SYNRG: variants seen among roughly 807,000 people sequenced by gnomAD.
SYNRG encodes the protein AP1 gamma subunit binding protein 1.
A neutral mutation model predicts 130.9 loss-of-function variants in SYNRG; 37 were observed. The ratio of observed to expected loss-of-function variants is 0.28; its 90% CI spans 0.22 to 0.37. The LOEUF is 0.37. SYNRG is among the 10% of genes least tolerant of loss of function. The pLI, the probability that SYNRG is intolerant of heterozygous loss-of-function variation, is 1.00. For missense variants in SYNRG, 1,338 were observed against 1,588.9 expected, an observed-to-expected ratio of 0.84 and a Z score of 2.68; for synonymous variants, 539 against 568.1, an observed-to-expected ratio of 0.95 and a Z score of 0.73.
chr17:37,522,070 A>G (rs1289630602), intron 19 of SYNRG, among the ~76,000 whole-genome samples: 1 of 151,720 alleles, frequency 6.6e-6, no homozygotes, highest in African/African-American at 2.4e-5. Flanking sequence ...AAATAGAACA[A>G]CAGCTAATAC....
intron 19 of SYNRG, among the ~76,000 whole-genome samples, chr17:37,526,276 T>C (rs1489587422): frequency 6.6e-6 from 1 of 152,192 alleles, no homozygotes; most frequent in Non-Finnish European, 1.5e-5. Flanking sequence ...GGTAAGGACA[T>C]GGCACAGAGC....
chr17:37,521,514 G>A (rs1329139489), intron 19 of SYNRG, among the ~76,000 whole-genome samples: 5 of 152,116 alleles, frequency 3.3e-5, no homozygotes, highest in Non-Finnish European at 7.4e-5. Flanking sequence ...CAGGGCCCAG[G>A]GAAAGAGGAG....
intron 19 of SYNRG, among the ~76,000 whole-genome samples, chr17:37,523,275 C>T (rs1282458452): frequency 6.6e-6 from 1 of 152,100 alleles, no homozygotes; most frequent in Non-Finnish European, 1.5e-5. Context: ...AATCCTTTTG[C>T]CTCAGCCTCC....
Position 37,585,447 on chromosome 17 carries a change from C to T in SYNRG, c.372-17G>A, listed in dbSNP as rs776859287. 1 of 1,578,214 alleles carries T rather than the reference C, an allele frequency of 6.3e-7. No individual in the cohort carries two copies. The highest frequency in any genetic ancestry group is 1.7e-4 in the Middle Eastern group (1 of 5,992). ...AATCGTTTCCTGAAGGAAAAATGAT[C>T]TAATAAAGAACCAGCTCCCGGGATT... On this transcript the variant is annotated splice_polypyrimidine_tract_variant and intron_variant, in intron 4 of 21. Coordinates refer to ENST00000612223, the MANE Select transcript of SYNRG (RefSeq NM_007247.6).
At chr17:37,538,458 GAA>G (rs2057411635) in intron 17 of SYNRG, 38 bp from the exon 18 acceptor site, 2 of 1,440,792 alleles carry the variant, frequency 1.4e-6, no homozygotes, top group South Asian at 1.3e-5. Flanking sequence ...ACATAACTGA[GAA>G]AAGTCATTGC....
chr17:37,536,136 A>G lies in SYNRG; in HGVS notation c.3518-9T>C. 1 of 1,603,796 alleles carries G rather than the reference A, an allele frequency of 6.2e-7. No homozygotes were observed. On this transcript the variant is annotated splice_polypyrimidine_tract_variant and intron_variant, in intron 18 of 21. Transcript: ENST00000612223. The stretch of plus-strand genomic sequence containing the variant: ...GTACACTTCAACAACACCTGACGGG[A>G]TGAGAGAGCAGAGAGAGAGTGTTGG...
intron 1 of SYNRG, among the ~76,000 whole-genome samples, chr17:37,606,425 A>G (rs549676662): frequency 1.3e-5 from 2 of 152,374 alleles, no homozygotes; most frequent in African/African-American, 2.4e-5. Context: ...AAGATCAGGA[A>G]AAAATAGACA....
intron 6 of SYNRG, among the ~76,000 whole-genome samples, chr17:37,583,780 C>T (rs1332187967): frequency 6.6e-6 from 1 of 152,094 alleles, no homozygotes; most frequent in Non-Finnish European, 1.5e-5. Context: ...CTGTAACCTC[C>T]GCCTCCCAGG....
chr17:37,599,463 G>A (rs924789917), intron 2 of SYNRG, among the ~76,000 whole-genome samples: 6 of 152,228 alleles, frequency 3.9e-5, no homozygotes, highest in Non-Finnish European at 8.8e-5. Context: ...GCTCATGCCT[G>A]TAATCCCAGT....
chr17:37,570,430 T>TTAA (rs2060336411), intron 10 of SYNRG, among the ~76,000 whole-genome samples: 1 of 152,180 alleles, frequency 6.6e-6, no homozygotes, highest in Non-Finnish European at 1.5e-5. Context: ...CATTAAATAT[T>TTAA]ATATATTTAA....
rs951837571 is a variant in SYNRG at position 37,593,873 on chromosome 17, C to T, written c.240+2350G>A. Among the ~76,000 whole-genome samples, 7 of 143,534 alleles carry T rather than the reference C, an allele frequency of 4.9e-5. No individual in the cohort carries two copies. In the East Asian group the frequency reaches 9.1e-4, roughly 19 times the overall value. The allele number at this position is 143,534 out of a possible 152,430, so 94.2% of individuals were successfully genotyped here. A position where few individuals can be genotyped will look rare whatever the true frequency, so the allele number is the denominator to read the frequency against. On this transcript the variant is annotated intron_variant, in intron 3 of 21. Transcript: ENST00000612223. ...CACTCCAGCCTGGGCAACAAAACTC[C>T]CTCTCAAAAAAAAAAAAAAAAAATG...
intron 19 of SYNRG, among the ~76,000 whole-genome samples, chr17:37,535,085 A>T (rs530543802): frequency 6.6e-6 from 1 of 152,180 alleles, no homozygotes; most frequent in South Asian, 2.1e-4. Context: ...TAGCTGATAA[A>T]CGTTTACAAG....
chr17:37,568,129 G>A (rs906848296), intron 11 of SYNRG: 1 of 152,254 alleles, frequency 6.6e-6, no homozygotes, highest in Non-Finnish European at 1.5e-5. Context: ...AGGAAAACTT[G>A]GGAGGTGGAG....
intron 1 of SYNRG, among the ~76,000 whole-genome samples, chr17:37,607,977 A>AAAAAAAAAAAAAAC (rs1555802869): frequency 8.2e-6 from 1 of 121,616 alleles, no homozygotes; most frequent in Admixed American, 8.7e-5. Context: ...AAAAAAAAAA[A>AAAAAAAAAAAAAAC]AAACAAGACA....
At chr17:37,541,060 C>T (rs1187940141) in intron 15 of SYNRG, 8 of 985,624 alleles carry the variant, frequency 8.1e-6, no homozygotes, top group Non-Finnish European at 9.6e-6. Flanking sequence ...CCCTGCGTTT[C>T]GTTTTCAACA....
chr17:37,570,926 C>T (rs759865040), intron 9 of SYNRG, 41 bp from the exon 10 acceptor site: 5 of 1,575,392 alleles, frequency 3.2e-6, no homozygotes, highest in African/African-American at 2.7e-5. Context: ...GGATTGTAAA[C>T]CACATACGGT....
intron 17 of SYNRG, 118 bp from the exon 18 acceptor site, chr17:37,538,538 C>T (rs2057420465): frequency 1.5e-6 from 1 of 660,318 alleles, no homozygotes; most frequent in South Asian, 2.0e-5. Context: ...CTCATTTTAT[C>T]CTTGAAGAAA....
chr17:37,531,544 G>A (rs2056630719), intron 19 of SYNRG, among the ~76,000 whole-genome samples: 1 of 152,184 alleles, frequency 6.6e-6, no homozygotes, highest in African/African-American at 2.4e-5. Context: ...GGGAGGCCGA[G>A]GTGAATGGAT....
At chr17:37,600,269 G>A in intron 2 of SYNRG, 94 bp downstream of exon 2, 1 of 1,159,708 alleles carries the variant, frequency 8.6e-7, no homozygotes, top group Non-Finnish European at 1.2e-6. Flanking sequence ...CTATTCAGCA[G>A]CAACAGAACT....
Sources: allele counts gnomAD v4.1 joint callset (sites outside exome capture counted in the v4.1 genomes callset), GRCh38; gene constraint gnomAD v4.1.1; transcripts MANE v1.5; gene names NCBI Gene and HGNC (gene_info 2026-07-23, HGNC 2026-07-21).